Variants in SEC24D observed in about 807,000 individuals in gnomAD.
SEC24D encodes the protein protein transport protein Sec24D.
In SEC24D, 69 loss-of-function variants were observed where a neutral mutation model predicts 116.9. The observed-to-expected ratio is 0.59, with a 90% confidence interval of 0.49 to 0.72. The LOEUF is 0.72. SEC24D is among the 30% of genes least tolerant of loss of function. SEC24D has a pLI of 0.00. For synonymous variants in SEC24D, 405 were observed against 442.8 expected (o/e 0.91, Z 1.07); for missense variants, 1,131 against 1,264.1 (o/e 0.89, Z 1.60).
intron 8 of SEC24D, among the ~76,000 whole-genome samples, chr4:118,770,430 G>A (rs1170916548): frequency 6.6e-6 from 1 of 152,120 alleles, no homozygotes; most frequent in East Asian, 1.9e-4. Flanking sequence ...AGCTTCCTCT[G>A]GATTAAAAGT....
At chr4:118,807,829 C>A (rs1183760957) in intron 6 of SEC24D, among the ~76,000 whole-genome samples, 1 of 152,118 alleles carries the variant, frequency 6.6e-6, no homozygotes, top group African/African-American at 2.4e-5. Context: ...TAAAATGGCT[C>A]CAAACATAAC....
intron 8 of SEC24D, among the ~76,000 whole-genome samples, chr4:118,794,747 A>G (rs945349250): frequency 7.2e-5 from 11 of 152,216 alleles, no homozygotes; most frequent in African/African-American, 2.4e-4. Context: ...TTTAGGATTC[A>G]TAAAAGTTTC....
At chr4:118,793,631 C>T (rs1256425878) in intron 8 of SEC24D, among the ~76,000 whole-genome samples, 1 of 152,210 alleles carries the variant, frequency 6.6e-6, no homozygotes, top group Non-Finnish European at 1.5e-5. Flanking sequence ...TTTTTGGGCA[C>T]ATGCCCCTGA....
chr4:118,812,600 C>G (rs528512973), intron 6 of SEC24D, among the ~76,000 whole-genome samples: 6 of 151,338 alleles, frequency 4.0e-5, no homozygotes, highest in Non-Finnish European at 7.4e-5. Flanking sequence ...GGAGTTTGGC[C>G]GGGGCAGTCG....
chr4:118,740,254 C>T (rs1163284093), intron 17 of SEC24D, among the ~76,000 whole-genome samples: 2 of 152,142 alleles, frequency 1.3e-5, no homozygotes, highest in Non-Finnish European at 2.9e-5. Flanking sequence ...ATTCCAGCCT[C>T]CAGAACTGTG....
intron 2 of SEC24D, among the ~76,000 whole-genome samples, chr4:118,826,100 T>C (rs1730581112): frequency 6.6e-6 from 1 of 152,042 alleles, no homozygotes; most frequent in African/African-American, 2.4e-5. Context: ...TTCCTTAAAC[T>C]GAGGACATTT....
chr4:118,771,226 T>A (rs181549731), intron 8 of SEC24D, among the ~76,000 whole-genome samples: 18 of 152,360 alleles, frequency 1.2e-4, no homozygotes, highest in African/African-American at 4.3e-4. Context: ...TCTTTTTTCC[T>A]TACCAAGGGA....
chr4:118,779,779 G>A (rs1156727653), intron 8 of SEC24D, among the ~76,000 whole-genome samples: 1 of 152,186 alleles, frequency 6.6e-6, no homozygotes, highest in Non-Finnish European at 1.5e-5. Flanking sequence ...CTCAATTTCA[G>A]AGCCTTTTAT....
At chr4:118,834,499 G>A (rs1224916787) in intron 1 of SEC24D, among the ~76,000 whole-genome samples, 1 of 151,662 alleles carries the variant, frequency 6.6e-6, no homozygotes, top group Non-Finnish European at 1.5e-5. Flanking sequence ...TTTAAATCTT[G>A]ATTCTAATCA....
chr4:118,833,713 C>T lies in SEC24D; in HGVS notation c.-17G>A, dbSNP rs1220484186. 2 of 1,549,966 alleles carry T rather than the reference C, an allele frequency of 1.3e-6. No individual in the cohort carries two copies. Among genetic ancestry groups the T allele is most frequent in the Admixed American group, 1.7e-5 (1 of 57,490 alleles). ...TTGACTCATTATGAAAATATCATTCCATAGGATAATTCTACAAAAGAAGTC... is the reference window on the plus strand; with the variant it reads ...TTGACTCATTATGAAAATATCATTCTATAGGATAATTCTACAAAAGAAGTC... On this transcript the variant is annotated 5_prime_UTR_variant, in exon 2 of 23. An upstream start codon of the reference 5' UTR is lost. Coordinates refer to ENST00000280551, the MANE Select transcript of SEC24D (RefSeq NM_014822.4).
rs143767818 is a variant in SEC24D, at chr4:118,822,223, G to A, written c.248+2397C>T. ...ACAACCACATATTATTGTTAAAATC[G>A]TCATGAGGAAACCGAGGCACACAGA... On this transcript the variant is annotated intron_variant, in intron 3 of 22. Transcript: ENST00000280551. Among the ~76,000 whole-genome samples, 772 of 152,228 alleles carry A rather than the reference G, an allele frequency of 5.1e-3. 10 individuals are homozygous for A. The highest frequency in any genetic ancestry group is 0.02 in the Middle Eastern group (6 of 294).
At chr4:118,759,075 C>T (rs1727245638) in intron 10 of SEC24D, among the ~76,000 whole-genome samples, 1 of 152,198 alleles carries the variant, frequency 6.6e-6, no homozygotes, top group Non-Finnish European at 1.5e-5. Flanking sequence ...TTAATCTCTT[C>T]TATCAGCATT....
At chr4:118,771,038 T>C (rs1305763404) in intron 8 of SEC24D, among the ~76,000 whole-genome samples, 1 of 152,184 alleles carries the variant, frequency 6.6e-6, no homozygotes, top group Non-Finnish European at 1.5e-5. Context: ...TTCATCTCTC[T>C]CAGGCCATGT....
rs190265025 is a variant in SEC24D at position 118,786,760 on chromosome 4, G to A, written c.1041+10923C>T. 1.2e-4 allele frequency among the ~76,000 whole-genome samples: 18 copies of A among 152,220 alleles called. No individual in the cohort carries two copies. The East Asian group carries it at 3.5e-3, about 29-fold the overall frequency. ...GGCTTCTCAATCCTCCCCACTGTTC[G>A]ACATCAAGAAAGGCTGATTTGGGTC... On this transcript the variant is annotated intron_variant, in intron 8 of 22. Transcript: ENST00000280551.
chr4:118,727,684 G>A (rs1725480669), intron 22 of SEC24D, among the ~76,000 whole-genome samples: 1 of 151,936 alleles, frequency 6.6e-6, no homozygotes, highest in South Asian at 2.1e-4. Context: ...AATGTGTTTA[G>A]TTTGAGCCTT....
At chr4:118,742,208 C>G (rs977937987) in intron 15 of SEC24D, among the ~76,000 whole-genome samples, 3 of 152,038 alleles carry the variant, frequency 2.0e-5, no homozygotes, top group African/African-American at 7.2e-5. Flanking sequence ...GATGATTACA[C>G]CACAGAGCAC....
rs1389589966 is a variant in SEC24D, at chr4:118,757,965, T to C, written c.1297-120A>G. The C allele has an allele frequency of 9.4e-6, 7 of 742,520 alleles. No homozygotes were observed. The African/African-American group carries it at 1.1e-4, about 12-fold the overall frequency. 46.0% of individuals were successfully genotyped at this position (742,520 alleles called of 1,614,324 possible). A position where few individuals can be genotyped will look rare whatever the true frequency, so the allele number is the denominator to read the frequency against. ...TTCATTTAATATTTAGGATATACCA[T>C]CTGTGGAATTAAATCATTTTTCCAG... is the stretch of plus-strand genomic sequence containing the variant. On this transcript the variant is annotated intron_variant, in intron 10 of 22. Transcript: ENST00000280551.
chr4:118,835,280 C>T (rs1731043774), intron 1 of SEC24D, among the ~76,000 whole-genome samples: 1 of 152,214 alleles, frequency 6.6e-6, no homozygotes, highest in East Asian at 1.9e-4. Context: ...TCAGAGGAAT[C>T]AGCTTCCTCA....
chr4:118,810,825 G>C (rs1729891369), intron 6 of SEC24D, among the ~76,000 whole-genome samples: 1 of 152,156 alleles, frequency 6.6e-6, no homozygotes, highest in South Asian at 2.1e-4. Context: ...AAGGTCCAAA[G>C]ACTAAGCCTT....
Sources: allele counts gnomAD v4.1 joint callset (sites outside exome capture counted in the v4.1 genomes callset), GRCh38; gene constraint gnomAD v4.1.1; transcripts MANE v1.5; gene names NCBI Gene and HGNC (gene_info 2026-07-23, HGNC 2026-07-21).